XYLT1: variants seen among roughly 807,000 people sequenced by gnomAD.
XYLT1 encodes the protein xylosyltransferase 1, also known as beta-D-xylosyltransferase 1.
XYLT1 carries 36 observed loss-of-function variants against 91.3 expected under a neutral mutation model. The observed-to-expected ratio is 0.39, with a 90% confidence interval of 0.30 to 0.52. The LOEUF is 0.52. Ranked by LOEUF, XYLT1 falls within the 20% of genes least tolerant of loss-of-function variation. The probability of loss-of-function intolerance (pLI) is 0.68; values close to 1 mark genes in which losing one functional copy is unlikely to be tolerated. For synonymous variants in XYLT1, 588 were observed against 532.0 expected (o/e 1.11, Z -1.45); for missense variants, 1,242 against 1,284.5 (o/e 0.97, Z 0.51).
chr16:17,259,351 T>G lies in XYLT1; in HGVS notation c.550A>C (p.Lys184Gln). ...KQKHQPELAKKPPSRQKELLK... is the reference protein window; with the variant it reads ...KQKHQPELAKQPPSRQKELLK... ...AGCTCCTTCTGTCTACTCGGTGGCT[T>G]CTTCGCCAACTCAGGCTGGTGCTTC... The change falls in exon 3 of 12, where the codon AAG (lysine) becomes CAG (glutamine). Residue 184 changes from lysine to glutamine, a missense_variant. Transcript: ENST00000261381. 1 of 1,614,192 alleles carries G rather than the reference T, an allele frequency of 6.2e-7. No homozygotes were observed.
chr16:17,200,712 G>A (rs534030613), intron 3 of XYLT1, 58 bp from the exon 4 acceptor site: 26 of 1,578,750 alleles, frequency 1.6e-5, no homozygotes, highest in African/African-American at 2.7e-5. Context: ...TCCTTTGCAG[G>A]GGTGGGAAGT....
At chr16:17,276,830 C>A (rs769056355) in intron 2 of XYLT1, among the ~76,000 whole-genome samples, 12 of 152,214 alleles carry the variant, frequency 7.9e-5, no homozygotes, top group Non-Finnish European at 1.8e-4. Context: ...GTCGTTTACC[C>A]TCTCTGAGCC....
chr16:17,236,750 C>T (rs2033255182), intron 3 of XYLT1, among the ~76,000 whole-genome samples: 1 of 152,192 alleles, frequency 6.6e-6, no homozygotes, highest in Admixed American at 6.5e-5. Context: ...GATGCATCAC[C>T]TGTCTTTACG....
chr16:17,379,763 T>TCTCTTTCACACACACACACACA (rs373354877), intron 1 of XYLT1, among the ~76,000 whole-genome samples: 3 of 125,546 alleles, frequency 2.4e-5, no homozygotes, highest in Admixed American at 1.6e-4. Flanking sequence ...TCTCTCTCTC[T>TCTCTTTCACACACACACACACA]CACACACACA....
intron 2 of XYLT1, among the ~76,000 whole-genome samples, chr16:17,264,785 T>C (rs1039122583): frequency 1.3e-5 from 2 of 151,724 alleles, no homozygotes; most frequent in African/African-American, 4.8e-5. Flanking sequence ...TTAAATAACT[T>C]GACCGAGGCT....
At chr16:17,283,223 G>A (rs976571889) in intron 2 of XYLT1, among the ~76,000 whole-genome samples, 1 of 152,202 alleles carries the variant, frequency 6.6e-6, no homozygotes, top group Non-Finnish European at 1.5e-5. Context: ...TGGAGCCCAG[G>A]CAGCAGATGT....
intron 6 of XYLT1, among the ~76,000 whole-genome samples, chr16:17,153,246 AC>A (rs1464774026): frequency 6.6e-6 from 1 of 152,188 alleles, no homozygotes; most frequent in Non-Finnish European, 1.5e-5. Flanking sequence ...TTCCCATCTT[AC>A]AGATGAGAAA....
At chr16:17,315,835 T>C (rs2034622184) in intron 2 of XYLT1, among the ~76,000 whole-genome samples, 1 of 152,096 alleles carries the variant, frequency 6.6e-6, no homozygotes, top group Non-Finnish European at 1.5e-5. Flanking sequence ...TGAACTCAAA[T>C]TAGATGACCT....
rs1263260368 is a variant in XYLT1 at position 17,107,619 on chromosome 16, A to G, written c.*1076T>C. On this transcript the variant is annotated 3_prime_UTR_variant, in exon 12 of 12. Transcript: ENST00000261381. ...TTCATGTGGTTTGGTCACTCCCAAC[A>G]GCACCGGTGTGCAATTGACGAAGGT... The G allele has an allele frequency of 1.3e-5, 2 of 152,740 alleles. No homozygotes were observed. Among genetic ancestry groups the G allele is most frequent in the African/African-American group, 4.8e-5 (2 of 41,472 alleles). The allele number at this position is 152,740 out of a possible 1,614,324, so 9.5% of individuals were successfully genotyped here.
intron 1 of XYLT1, among the ~76,000 whole-genome samples, chr16:17,379,753 TCTCTCTCTCTCA>T (rs770686130): frequency 8.5e-5 from 11 of 128,720 alleles, no homozygotes; most frequent in Admixed American, 2.2e-4. Flanking sequence ...TCTCTCTCTC[TCTCTCTCTCTCA>T]CACACACACA....
chr16:17,313,749 T>C (rs538796439), intron 2 of XYLT1, among the ~76,000 whole-genome samples: 6 of 150,784 alleles, frequency 4.0e-5, no homozygotes, highest in African/African-American at 1.5e-4. Context: ...TGCCCAGACA[T>C]GGAGCGACTG....
chr16:17,314,022 T>A (rs566133556), intron 2 of XYLT1, among the ~76,000 whole-genome samples: 1 of 152,302 alleles, frequency 6.6e-6, no homozygotes, highest in Admixed American at 6.5e-5. Context: ...GTCAGGACAC[T>A]GGAGAGGGTC....
In XYLT1 at chr16:17,425,190, C is replaced by T. The variant is rs371133766; in HGVS notation, c.363+45244G>A. ...GCACCTCGTAAACAGCAGGGCTGGC[C>T]CACCTCAATAAAATTTTACTCAGCG... On this transcript the variant is annotated intron_variant, in intron 1 of 11. Coordinates refer to ENST00000261381, the MANE Select transcript of XYLT1 (RefSeq NM_022166.4). Among the ~76,000 whole-genome samples the T allele has an allele frequency of 2.6e-5, 4 of 152,116 alleles. No homozygotes were observed. In the East Asian group the frequency reaches 7.7e-4, roughly 29 times the overall value.
intron 1 of XYLT1, among the ~76,000 whole-genome samples, chr16:17,440,944 T>A (rs943492951): frequency 1.3e-5 from 2 of 152,194 alleles, no homozygotes; most frequent in African/African-American, 4.8e-5. Context: ...GACCCTCATC[T>A]GTAAAACGGG....
intron 2 of XYLT1, among the ~76,000 whole-genome samples, chr16:17,295,302 G>A (rs1431136182): frequency 6.6e-6 from 1 of 151,876 alleles, no homozygotes; most frequent in Admixed American, 6.6e-5. Context: ...AGAAATGGGG[G>A]ATAGATCAAT....
At chr16:17,375,481 A>AACACACACACACACACAC (rs71137985) in intron 1 of XYLT1, among the ~76,000 whole-genome samples, 15,365 of 147,282 alleles carry the variant, frequency 0.1, 922 homozygotes, top group South Asian at 0.15. Context: ...TAACATTTAA[A>AACACACACACACACACAC]ACACACACAC....
intron 1 of XYLT1, among the ~76,000 whole-genome samples, chr16:17,451,292 A>G (rs933207158): frequency 6.6e-6 from 1 of 152,028 alleles, no homozygotes; most frequent in African/African-American, 2.4e-5. Context: ...TTCCCAAATG[A>G]CTTTCATGTC....
chr16:17,379,763 TCACACACACACA>T (rs71137987), intron 1 of XYLT1, among the ~76,000 whole-genome samples: 2 of 125,546 alleles, frequency 1.6e-5, no homozygotes, highest in African/African-American at 6.3e-5. Flanking sequence ...TCTCTCTCTC[TCACACACACACA>T]CACACACACA....
At chr16:17,164,483 C>T (rs1317115899) in intron 5 of XYLT1, among the ~76,000 whole-genome samples, 1 of 152,158 alleles carries the variant, frequency 6.6e-6, no homozygotes, top group African/African-American at 2.4e-5. Flanking sequence ...GAACTCTTTT[C>T]ATCTTGCAAA....
Sources: allele counts gnomAD v4.1 joint callset (sites outside exome capture counted in the v4.1 genomes callset), GRCh38; gene constraint gnomAD v4.1.1; transcripts MANE v1.5; gene names NCBI Gene and HGNC (gene_info 2026-07-23, HGNC 2026-07-21).